Variants in KRT72 observed in about 807,000 individuals in gnomAD.
KRT72 encodes the protein keratin, type II cytoskeletal 72.
In KRT72, 44 loss-of-function variants were observed where a neutral mutation model predicts 44.7. That is an observed-to-expected ratio of 0.98 (90% CI 0.77 to 1.27). The LOEUF (loss-of-function observed/expected upper bound fraction) is 1.27. Among genes scored for constraint, KRT72 ranks in the 50% most tolerant of loss-of-function variants. KRT72 has a pLI of 0.00. For synonymous variants in KRT72, 302 were observed against 280.4 expected (o/e 1.08, Z -0.77); for missense variants, 736 against 667.1 (o/e 1.10, Z -1.14).
chr12:52,592,043 C>T (rs1189814895), intron 4 of KRT72, among the ~76,000 whole-genome samples: 1 of 152,106 alleles, frequency 6.6e-6, no homozygotes, highest in Non-Finnish European at 1.5e-5. Context: ...TATTTTTCTG[C>T]CCCCCTCAGC....
chr12:52,595,672 G>C (rs924991868), intron 2 of KRT72, among the ~76,000 whole-genome samples: 2 of 152,166 alleles, frequency 1.3e-5, no homozygotes, highest in Non-Finnish European at 2.9e-5. Flanking sequence ...ACATGAGGCA[G>C]AATCACATTA....
rs1000712260 is a variant in KRT72, at chr12:52,598,991, A to G, written c.548T>C (p.Leu183Pro). The change falls in exon 2 of 9, where the codon CTG (leucine) becomes CCG (proline). Residue 183 changes from leucine (L) to proline (P), a missense_variant. Transcript: ENST00000293745. Reference protein sequence around the residue: ...EPIYEGYISNLQKQLEMLSGD... With the variant: ...EPIYEGYISNPQKQLEMLSGD... The stretch of plus-strand genomic sequence containing the variant: ...AGACAGCATCTCCAGCTGCTTCTGC[A>G]GGTTGCTGATGTAGCCCTCATAAAT... 1.2e-6 allele frequency: 2 copies of G among 1,614,050 alleles called. No individual in the cohort carries two copies. Among genetic ancestry groups the G allele is most frequent in the Non-Finnish European group, 1.7e-6 (2 of 1,179,928 alleles).
At chr12:52,587,051 G>T (rs1939786670) in intron 7 of KRT72, 71 bp from the exon 8 acceptor site, 1 of 1,427,918 alleles carries the variant, frequency 7.0e-7, no homozygotes, top group African/African-American at 1.4e-5. Flanking sequence ...AGTCACCTCT[G>T]TGAATAAGCC....
At chr12:52,587,523 A>G in intron 7 of KRT72, 108 bp downstream of exon 7, 1 of 1,170,832 alleles carries the variant, frequency 8.5e-7, no homozygotes, top group Middle Eastern at 2.0e-4. Context: ...CATTTGCTGT[A>G]TGGTTTTACT....
chr12:52,595,719 G>C (rs1398781058), intron 2 of KRT72, among the ~76,000 whole-genome samples: 1 of 152,194 alleles, frequency 6.6e-6, no homozygotes, highest in Admixed American at 6.5e-5. Flanking sequence ...GGTGTATTGA[G>C]TACTAACAAT....
At chr12:52,587,510 G>T in intron 7 of KRT72, 121 bp downstream of exon 7, 3 of 1,044,926 alleles carry the variant, frequency 2.9e-6, no homozygotes, top group Non-Finnish European at 4.3e-6. Flanking sequence ...CATGTGACAA[G>T]CCCATTTGCT....
At chr12:52,586,229 C>T (rs1014178688) in intron 8 of KRT72, 57 bp from the exon 9 acceptor site, 78 of 1,490,358 alleles carry the variant, frequency 5.2e-5, no homozygotes, top group Non-Finnish European at 6.4e-5. Flanking sequence ...ACGTCAGAGC[C>T]CCTTCTTGGG....
chr12:52,591,022 T>C, intron 5 of KRT72, 61 bp from the exon 6 acceptor site: 2 of 1,459,030 alleles, frequency 1.4e-6, no homozygotes, highest in South Asian at 1.6e-5. Context: ...GGCAGGTCCC[T>C]TTTCTTCTGG....
At position 52,601,063 on chromosome 12, in the gene KRT72, C is replaced by G. The variant is rs1311520026; in HGVS notation, c.390G>C (p.Lys130Asn). 1 of 1,612,492 alleles carries G rather than the reference C, an allele frequency of 6.2e-7. No homozygotes were observed. Among genetic ancestry groups the G allele is most frequent in the Admixed American group, 1.7e-5 (1 of 59,760 alleles). The change falls in exon 1 of 9, where the codon AAG becomes AAC. Residue 130 changes from lysine to asparagine, a missense_variant. Coordinates refer to ENST00000293745, the MANE Select transcript of KRT72 (RefSeq NM_080747.3). ...AGGAGGCGAACTTGTTGTTTAGCGC[C>G]TTGATCTGCTCCCGCTCCTGGGCGC... ...RVRAQEREQIKALNNKFASFI... is the reference protein window; with the variant it reads ...RVRAQEREQINALNNKFASFI...
chr12:52,598,450 C>T (rs1460003192), intron 2 of KRT72, among the ~76,000 whole-genome samples: 1 of 152,228 alleles, frequency 6.6e-6, no homozygotes, highest in Admixed American at 6.5e-5. Flanking sequence ...ATCTCATTCT[C>T]AATCATCCTC....
chr12:52,591,482 C>T lies in KRT72; in HGVS notation c.945G>A (p.Glu315=). Residue 315 remains glutamate (E), a synonymous_variant, in exon 5 of 9, where the codon GAG becomes GAA. Coordinates refer to ENST00000293745, the MANE Select transcript of KRT72 (RefSeq NM_080747.3). ...EIALKSKAEA[E]TLYQTKIQEL... is the part of the protein sequence containing the mutation. ...AGCTCACCTTGGTCTGGTACAGGGT[C>T]TCAGCCTCGGCCTTGCTCTTTAGGG... The T allele has an allele frequency of 6.2e-7, 1 of 1,613,856 alleles. No individual in the cohort carries two copies. Among genetic ancestry groups the T allele is most frequent in the South Asian group, 1.1e-5 (1 of 91,032 alleles).
chr12:52,592,288 G>T, intron 4 of KRT72, 108 bp downstream of exon 4: 1 of 777,696 alleles, frequency 1.3e-6, no homozygotes, highest in Non-Finnish European at 2.2e-6. Flanking sequence ...GCACCAGGTT[G>T]AAAGCTTTCT....
rs1199384341 is a variant in KRT72 at position 52,599,040 on chromosome 12, T to C, written c.499A>G (p.Asn167Asp). The change falls in exon 2 of 9, where the codon AAC (asparagine) becomes GAC (aspartate). Residue 167 changes from asparagine to aspartate, a missense_variant. Transcript: ENST00000293745. ...ATGGGCTCCAGGTTCTTCCTGCAGTTGTTCAAGTCCAGCTGCTGTAGGAGG... is the reference window on the plus strand; with the variant it reads ...ATGGGCTCCAGGTTCTTCCTGCAGTCGTTCAAGTCCAGCTGCTGTAGGAGG... ...WNLLQQLDLNNCRKNLEPIYE... is the reference protein window; with the variant it reads ...WNLLQQLDLNDCRKNLEPIYE... 6.2e-7 allele frequency: 1 copy of C among 1,614,012 alleles called. No individual in the cohort carries two copies. The highest frequency in any genetic ancestry group is 8.5e-7 in the Non-Finnish European group (1 of 1,179,906).
At position 52,592,473 on chromosome 12, in the gene KRT72, T is replaced by G; in HGVS notation, c.721A>C (p.Met241Leu). The G allele has an allele frequency of 2.5e-6, 4 of 1,614,058 alleles. No homozygotes were observed. The highest frequency in any genetic ancestry group is 3.4e-6 in the Non-Finnish European group (4 of 1,179,954). Residue 241 changes from methionine (M) to leucine (L), a missense_variant, in exon 4 of 9, where the codon ATG (methionine) becomes CTG (leucine). By Grantham distance (15) the Met-to-Leu change is conservative (BLOSUM62 2). Coordinates refer to ENST00000293745, the MANE Select transcript of KRT72 (RefSeq NM_080747.3). ...VLKKDVDAAY[M>L]NKVELQAKVD... ...TTGGCCTGGAGCTCAACCTTATTCA[T>G]GTAAGCAGCATCCACGTCCTGGGAG...
At chr12:52,593,956 A>G (rs1181589228) in intron 2 of KRT72, among the ~76,000 whole-genome samples, 2 of 152,212 alleles carry the variant, frequency 1.3e-5, no homozygotes, top group Non-Finnish European at 2.9e-5. Flanking sequence ...GGAGGTGGAC[A>G]GTGGTGATGG....
In KRT72 at chr12:52,599,058, G is replaced by A. The variant is rs61929568; in HGVS notation, c.481C>T (p.Gln161Ter). The change falls in exon 2 of 9, where the codon CAG becomes TAG. Residue 161 changes from glutamine to a stop codon, truncating the protein, a stop_gained. Coordinates refer to ENST00000293745, the MANE Select transcript of KRT72 (RefSeq NM_080747.3). LOFTEE classifies it high-confidence loss of function. Reference sequence around the variant, plus strand: ...CTGCAGTTGTTCAAGTCCAGCTGCTGTAGGAGGTTCCACTTGGTCTCTAGC... The same window carrying A: ...CTGCAGTTGTTCAAGTCCAGCTGCTATAGGAGGTTCCACTTGGTCTCTAGC... ...QVLETKWNLLQQLDLNNCRKN... is the reference protein window; with the variant it reads ...QVLETKWNLL The A allele has an allele frequency of 3.7e-6, 6 of 1,614,190 alleles. No individual in the cohort carries two copies. In the South Asian group the frequency reaches 5.5e-5, roughly 15 times the overall value.
intron 2 of KRT72, among the ~76,000 whole-genome samples, chr12:52,593,894 T>C (rs971785534): frequency 1.3e-5 from 2 of 152,102 alleles, no homozygotes; most frequent in Non-Finnish European, 2.9e-5. Context: ...AATGAGGAAT[T>C]AGTGTTAAGT....
rs185131118 is a variant in KRT72 at position 52,593,081 on chromosome 12, C to T, written c.642-129G>A. 251 of 708,422 alleles carry T rather than the reference C, an allele frequency of 3.5e-4. 2 individuals carry two copies. In the Admixed American group the frequency reaches 7.6e-3, roughly 21 times the overall value. The allele number at this position is 708,422 out of a possible 1,614,324, so 43.9% of individuals were successfully genotyped here. ...GGGATTCCCATACCCCTGGGGCACA[C>T]ATAACCTTGCTTAAGAGGATGCAGG... On this transcript the variant is annotated intron_variant, in intron 2 of 8. Transcript: ENST00000293745.
upstream of KRT72, chr12:52,601,553 G>A: frequency 4.1e-6 from 5 of 1,219,830 alleles, no homozygotes; most frequent in East Asian, 5.1e-5. Context: ...TGGCTGGCTG[G>A]AGTCAGCCTA....
Sources: gnomAD v4.1 joint callset for allele counts (sites outside exome capture counted in the v4.1 genomes callset) on GRCh38, gnomAD v4.1.1 for gene constraint, MANE v1.5 for transcripts, NCBI Gene and HGNC (gene_info 2026-07-23, HGNC 2026-07-21) for gene names.